Variants in PCDH9 observed in about 807,000 individuals in gnomAD.
The protein encoded by PCDH9 is protocadherin 9, also known as protocadherin-9.
Under a neutral mutation model 70.6 loss-of-function variants are expected in PCDH9, and 24 were observed. The observed-to-expected ratio is 0.34, with a 90% CI of 0.25 to 0.48. PCDH9 has a LOEUF of 0.48. Ranked by LOEUF, PCDH9 falls within the 20% of genes least tolerant of loss-of-function variation. PCDH9 has a pLI of 0.99. For missense variants in PCDH9, 1,281 were observed against 1,503.6 expected, an observed-to-expected ratio of 0.85 and a Z score of 2.45; for synonymous variants, 562 against 558.5, an observed-to-expected ratio of 1.01 and a Z score of -0.09.
intron 3 of PCDH9, among the ~76,000 whole-genome samples, chr13:66,710,718 G>A (rs2078780560): frequency 6.6e-6 from 1 of 152,004 alleles, no homozygotes; most frequent in Non-Finnish European, 1.5e-5. Context: ...TTGATATTAG[G>A]GCTGCCTTCC....
chr13:66,937,532 T>C (rs1331685784), intron 2 of PCDH9, among the ~76,000 whole-genome samples: 1 of 152,254 alleles, frequency 6.6e-6, no homozygotes, highest in Non-Finnish European at 1.5e-5. Context: ...CACGGCTTTA[T>C]GCCTGTTTAA....
chr13:66,684,629 A>G (rs1026265090), intron 3 of PCDH9, among the ~76,000 whole-genome samples: 10 of 152,012 alleles, frequency 6.6e-5, no homozygotes, highest in African/African-American at 2.2e-4. Flanking sequence ...CCCTTCAGCC[A>G]TGATTGTAAG....
chr13:66,513,443 T>A (rs150249493), intron 4 of PCDH9, among the ~76,000 whole-genome samples: 2,071 of 152,186 alleles, frequency 0.014, 16 homozygotes, highest in Middle Eastern at 0.054. Context: ...ACGTTTTACA[T>A]AATTTCATTC....
intron 2 of PCDH9, among the ~76,000 whole-genome samples, chr13:67,028,097 C>G (rs1254797636): frequency 6.6e-6 from 1 of 150,846 alleles, no homozygotes; most frequent in Non-Finnish European, 1.5e-5. Context: ...ATAAATCATG[C>G]TGCTATAAAG....
At chr13:66,498,439 G>GA (rs534932013) in intron 4 of PCDH9, among the ~76,000 whole-genome samples, 250 of 145,704 alleles carry the variant, frequency 1.7e-3, no homozygotes, top group African/African-American at 4.5e-3. Flanking sequence ...TTCCCAATTT[G>GA]AAAAAAAAAA....
intron 4 of PCDH9, among the ~76,000 whole-genome samples, chr13:66,524,935 T>C (rs1960147991): frequency 6.6e-6 from 1 of 152,096 alleles, no homozygotes; most frequent in Non-Finnish European, 1.5e-5. Flanking sequence ...AACTTTCCAA[T>C]GAAATTATTT....
At chr13:66,784,844 C>T (rs551825144) in intron 3 of PCDH9, among the ~76,000 whole-genome samples, 10 of 152,136 alleles carry the variant, frequency 6.6e-5, no homozygotes, top group African/African-American at 1.4e-4. Context: ...CATTATATTG[C>T]TATTTCCAAA....
At chr13:66,385,956 A>G (rs1306725178) in intron 4 of PCDH9, among the ~76,000 whole-genome samples, 1 of 152,032 alleles carries the variant, frequency 6.6e-6, no homozygotes, top group East Asian at 1.9e-4. Context: ...GAACACAGTT[A>G]CAACTGTATT....
chr13:66,385,551 A>G (rs1176717890), intron 4 of PCDH9, among the ~76,000 whole-genome samples: 2 of 152,258 alleles, frequency 1.3e-5, no homozygotes, highest in East Asian at 1.9e-4. Context: ...GAGTGTTTAG[A>G]TTATCTAAAT....
chr13:67,204,395 C>CT (rs2089289686), intron 2 of PCDH9: 1 of 152,126 alleles, frequency 6.6e-6, no homozygotes, highest in Admixed American at 6.6e-5. Flanking sequence ...TTTGCCTTGT[C>CT]TACTACATCA....
At chr13:66,513,534 ACAGT>A (rs945984380) in intron 4 of PCDH9, among the ~76,000 whole-genome samples, 10 of 152,228 alleles carry the variant, frequency 6.6e-5, no homozygotes, top group Middle Eastern at 3.4e-3. Context: ...CAAAAACAAC[ACAGT>A]CAGCACCAAG....
intron 2 of PCDH9, among the ~76,000 whole-genome samples, chr13:67,100,389 A>C (rs552731696): frequency 6.6e-6 from 1 of 152,204 alleles, no homozygotes; most frequent in Admixed American, 6.5e-5. Flanking sequence ...CTTGGAGAAC[A>C]CGAAATACCA....
At chr13:67,033,950 T>C (rs2084957963) in intron 2 of PCDH9, among the ~76,000 whole-genome samples, 2 of 152,128 alleles carry the variant, frequency 1.3e-5, no homozygotes, top group African/African-American at 2.4e-5. Flanking sequence ...AAATCACCGA[T>C]GAAACTTACA....
chr13:66,987,045 T>C (rs2083906402), intron 2 of PCDH9, among the ~76,000 whole-genome samples: 1 of 152,004 alleles, frequency 6.6e-6, no homozygotes, highest in South Asian at 2.1e-4. Context: ...CTTGCAAAAA[T>C]GGCATTTGAG....
intron 4 of PCDH9, among the ~76,000 whole-genome samples, chr13:66,567,878 C>T (rs2076675623): frequency 6.6e-6 from 1 of 152,160 alleles, no homozygotes; most frequent in Admixed American, 6.5e-5. Flanking sequence ...ATATAAACCA[C>T]AGTCACCTAA....
At chr13:67,077,976 C>T (rs1027670848) in intron 2 of PCDH9, among the ~76,000 whole-genome samples, 1 of 152,144 alleles carries the variant, frequency 6.6e-6, no homozygotes, top group Non-Finnish European at 1.5e-5. Context: ...GTACACATTC[C>T]TAATCATGCC....
chr13:66,651,849 G>GGA (rs1264868058), intron 3 of PCDH9, among the ~76,000 whole-genome samples: 1 of 152,000 alleles, frequency 6.6e-6, no homozygotes, highest in African/African-American at 2.4e-5. Flanking sequence ...TGTAATAATG[G>GGA]TTCAATATAT....
At chr13:66,523,363 A>G (rs188128376) in intron 4 of PCDH9, among the ~76,000 whole-genome samples, 34 of 152,176 alleles carry the variant, frequency 2.2e-4, no homozygotes, top group Admixed American at 2.0e-3. Flanking sequence ...TGAAGAACAG[A>G]GCTTGAGAAA....
chr13:66,704,833 T>G (rs562163314), intron 3 of PCDH9, among the ~76,000 whole-genome samples: 152 of 152,220 alleles, frequency 1.0e-3, no homozygotes, highest in African/African-American at 3.5e-3. Context: ...TTTTATTCCA[T>G]TTAGAGTCTT....
Sources: gnomAD v4.1 joint callset for allele counts (sites outside exome capture counted in the v4.1 genomes callset) on GRCh38, gnomAD v4.1.1 for gene constraint, MANE v1.5 for transcripts, NCBI Gene and HGNC (gene_info 2026-07-23, HGNC 2026-07-21) for gene names.